KIF26B: variants seen among roughly 807,000 people sequenced by gnomAD.
The protein encoded by KIF26B is kinesin family member 26B, also known as kinesin-like protein KIF26B.
Under a neutral mutation model 151.2 loss-of-function variants are expected in KIF26B, and 63 were observed. The ratio of observed to expected loss-of-function variants is 0.42; its 90% CI spans 0.34 to 0.51. KIF26B has a LOEUF of 0.51. KIF26B is among the 20% of genes least tolerant of loss of function. KIF26B has a pLI of 0.07. For synonymous variants in KIF26B, 1,357 were observed against 1,262.1 expected, an observed-to-expected ratio of 1.08 and a Z score of -1.59; for missense variants, 2,813 against 2,913.6, an observed-to-expected ratio of 0.97 and a Z score of 0.79.
chr1:245,708,829 G>A lies in KIF26B; in HGVS notation c.*6223G>A, dbSNP rs1245442331. 2.6e-5 allele frequency: 4 copies of A among 152,198 alleles called. No homozygotes were observed. The highest frequency in any genetic ancestry group is 4.4e-5 in the Non-Finnish European group (3 of 68,034). 9.4% of individuals were successfully genotyped at this position (152,198 alleles called of 1,614,324 possible). A position where few individuals can be genotyped will look rare whatever the true frequency, so the allele number is the denominator to read the frequency against. ...TCCATGATTAGTAATGTATGTATGT[G>A]TATATAAATATGCTTATCTGTAGAA... is the stretch of plus-strand genomic sequence containing the variant. On this transcript the variant is annotated 3_prime_UTR_variant, in exon 15 of 15. Transcript: ENST00000407071.
At chr1:245,541,632 A>T (rs1558206729) in intron 5 of KIF26B, among the ~76,000 whole-genome samples, 1 of 152,216 alleles carries the variant, frequency 6.6e-6, no homozygotes, top group Non-Finnish European at 1.5e-5. Context: ...TCATACAAAC[A>T]TGTAGTGAAA....
chr1:245,412,024 T>G (rs1188689072), intron 3 of KIF26B, among the ~76,000 whole-genome samples: 1 of 152,176 alleles, frequency 6.6e-6, no homozygotes. Flanking sequence ...CTTTCATAAT[T>G]TATATTTTAT....
Position 245,501,744 on chromosome 1 carries a change from T to C in KIF26B, c.1167-39023T>C, listed in dbSNP as rs117247454. Among the ~76,000 whole-genome samples, 60 of 152,356 alleles carry C rather than the reference T, an allele frequency of 3.9e-4. No homozygotes were observed. The East Asian group carries it at 0.01, about 26-fold the overall frequency. ...GACTAGCCACATATTTAGAGGCATA[T>C]AGCAGTCTGAAATAATTCTATTCCT... On this transcript the variant is annotated intron_variant, in intron 4 of 14. Coordinates refer to ENST00000407071, the MANE Select transcript of KIF26B (RefSeq NM_018012.4).
chr1:245,497,035 C>T (rs1385351339), intron 4 of KIF26B, among the ~76,000 whole-genome samples: 2 of 151,688 alleles, frequency 1.3e-5, no homozygotes, highest in Non-Finnish European at 1.5e-5. Flanking sequence ...TGTCTGTAAT[C>T]GCAACTACTC....
At chr1:245,492,263 A>T (rs1365388820) in intron 4 of KIF26B, among the ~76,000 whole-genome samples, 1 of 152,190 alleles carries the variant, frequency 6.6e-6, no homozygotes, top group East Asian at 1.9e-4. Flanking sequence ...CAGAAATGCC[A>T]CTTTGGGAGG....
intron 2 of KIF26B, among the ~76,000 whole-genome samples, chr1:245,332,521 T>G (rs747713245): frequency 6.6e-6 from 1 of 152,228 alleles, no homozygotes; most frequent in Non-Finnish European, 1.5e-5. Flanking sequence ...GTGAGCAAGC[T>G]TTTGTCTGAT....
chr1:245,234,284 A>G (rs1362654751), intron 2 of KIF26B: 2 of 152,168 alleles, frequency 1.3e-5, no homozygotes, highest in Admixed American at 6.5e-5. Context: ...TTTGTTTGAT[A>G]CCTCTAAGTA....
intron 5 of KIF26B, among the ~76,000 whole-genome samples, chr1:245,589,480 G>C (rs1174816131): frequency 1.3e-5 from 2 of 152,150 alleles, no homozygotes; most frequent in Non-Finnish European, 2.9e-5. Flanking sequence ...TCCTCCGTAC[G>C]TGCCACTGCC....
rs931838465 is a variant in KIF26B, at chr1:245,352,698, T to C, written c.466-14136T>C. 6.6e-6 allele frequency among the ~76,000 whole-genome samples: 1 copy of C among 152,210 alleles called. No homozygotes were observed. The highest frequency in any genetic ancestry group is 1.5e-5 in the Non-Finnish European group (1 of 68,044). ...TCAGAATCGATTCAAGGAAAAGTGA[T>C]AGAGGCAGGTGGGGACGGGGAGGTG... On this transcript the variant is annotated intron_variant, in intron 2 of 14. Coordinates refer to ENST00000407071, the MANE Select transcript of KIF26B (RefSeq NM_018012.4). This position sits in a 1 kb window ranked among gnomAD's most constrained non-coding sequence, Gnocchi z 5.0.
intron 2 of KIF26B, among the ~76,000 whole-genome samples, chr1:245,171,272 G>A (rs549679654): frequency 1.8e-4 from 27 of 152,256 alleles, no homozygotes; most frequent in South Asian, 2.1e-4. Context: ...GGGCCCGCAC[G>A]GTGGCTCACG....
intron 5 of KIF26B, among the ~76,000 whole-genome samples, chr1:245,566,683 A>G (rs956959473): frequency 1.3e-5 from 2 of 152,212 alleles, no homozygotes; most frequent in Non-Finnish European, 1.5e-5. Flanking sequence ...TAATCCCAGC[A>G]CTTTGGGAGG....
At chr1:245,345,640 G>A (rs770108504) in intron 2 of KIF26B, among the ~76,000 whole-genome samples, 3 of 151,950 alleles carry the variant, frequency 2.0e-5, no homozygotes, top group Non-Finnish European at 2.9e-5. Flanking sequence ...GGTTTCTCAC[G>A]AATGGCTAAG....
chr1:245,364,968 T>G (rs1279185072), intron 2 of KIF26B, among the ~76,000 whole-genome samples: 16 of 152,230 alleles, frequency 1.1e-4, no homozygotes, highest in Admixed American at 1.0e-3. Context: ...CTGGAACCCT[T>G]CTGTGTCCGT....
chr1:245,478,126 T>C (rs1464447392), intron 4 of KIF26B, among the ~76,000 whole-genome samples: 2 of 151,824 alleles, frequency 1.3e-5, no homozygotes, highest in East Asian at 1.9e-4. Context: ...CGTCACATAA[T>C]GGTTTCAAAG....
At chr1:245,287,055 G>C (rs1671174541) in intron 2 of KIF26B, among the ~76,000 whole-genome samples, 1 of 152,068 alleles carries the variant, frequency 6.6e-6, no homozygotes, top group Non-Finnish European at 1.5e-5. Flanking sequence ...GTTGCAGTGA[G>C]CCGAGATCTT....
At chr1:245,684,435 GC>G in intron 11 of KIF26B, 40 bp downstream of exon 11, 1 of 1,533,740 alleles carries the variant, frequency 6.5e-7, no homozygotes, top group Non-Finnish European at 8.8e-7. Context: ...GGATGAGGGA[GC>G]CTTTGGAGCC....
intron 5 of KIF26B, among the ~76,000 whole-genome samples, chr1:245,586,003 A>G (rs1422123331): frequency 1.3e-5 from 2 of 151,760 alleles, no homozygotes; most frequent in South Asian, 4.2e-4. Flanking sequence ...TTAGTTTTTT[A>G]ATGTTTTTAG....
Position 245,667,524 on chromosome 1 carries a change from AGAT to A in KIF26B, c.2259-16704_2259-16702del, listed in dbSNP as rs968964034. ...TGTGGCTCCTAGGAAGAAAAAGAAAAGATGATGCTTTGGAAGCTGTAGGGTTGG... is the reference window on the plus strand; with the variant it reads ...TGTGGCTCCTAGGAAGAAAAAGAAAAGATGCTTTGGAAGCTGTAGGGTTGG... On this transcript the variant is annotated intron_variant, in intron 10 of 14. Transcript: ENST00000407071. This position sits in a 1 kb window ranked among gnomAD's most constrained non-coding sequence, Gnocchi z 4.3. Among the ~76,000 whole-genome samples, 1 of 152,166 alleles carries A rather than the reference AGAT, an allele frequency of 6.6e-6. No individual in the cohort carries two copies. The highest frequency in any genetic ancestry group is 1.5e-5 in the Non-Finnish European group (1 of 68,030).
intron 2 of KIF26B, among the ~76,000 whole-genome samples, chr1:245,331,853 G>A (rs112644594): frequency 5.9e-4 from 90 of 152,200 alleles, no homozygotes; most frequent in South Asian, 2.5e-3. Context: ...GAGGCCAGGC[G>A]TGGTGGCTCA....
Sources: gnomAD v4.1 joint callset for allele counts (sites outside exome capture counted in the v4.1 genomes callset) on GRCh38, gnomAD v4.1.1 for gene constraint, Gnocchi (gnomAD v3.1) non-coding constraint, MANE v1.5 for transcripts, NCBI Gene and HGNC (gene_info 2026-07-23, HGNC 2026-07-21) for gene names.